RBFOX1: variants seen among roughly 807,000 people sequenced by gnomAD.
RBFOX1 encodes RNA binding protein fox-1 homolog 1.
A neutral mutation model predicts 57.7 loss-of-function variants in RBFOX1; 8 were observed. That is an observed-to-expected ratio of 0.14 (90% CI 0.08 to 0.25). The LOEUF is 0.25. Ranked by LOEUF, RBFOX1 falls within the 10% of genes least tolerant of loss-of-function variation. The pLI is 1.00. For synonymous variants in RBFOX1, 326 were observed against 222.4 expected (o/e 1.47, Z -4.15); for missense variants, 611 against 548.5 (o/e 1.11, Z -1.14).
At chr16:6,848,306 G>A (rs1297357703) in intron 3 of RBFOX1, among the ~76,000 whole-genome samples, 1 of 152,110 alleles carries the variant, frequency 6.6e-6, no homozygotes, top group African/African-American at 2.4e-5. Flanking sequence ...AGTATGGCCA[G>A]GCTTTCTCAT....
intron 3 of RBFOX1, among the ~76,000 whole-genome samples, chr16:5,770,800 G>T (rs74006275): frequency 0.028 from 4,311 of 152,288 alleles, 200 homozygotes; most frequent in African/African-American, 0.097. Flanking sequence ...GAAGAAAATA[G>T]CACACAGCTT....
intron 3 of RBFOX1, among the ~76,000 whole-genome samples, chr16:5,624,144 C>T (rs924229898): frequency 2.0e-5 from 3 of 152,180 alleles, no homozygotes; most frequent in Admixed American, 6.5e-5. Flanking sequence ...TTTTAATACT[C>T]GAAGGTTTCA....
chr16:7,113,712 T>C (rs1355858405), intron 4 of RBFOX1, among the ~76,000 whole-genome samples: 3 of 152,194 alleles, frequency 2.0e-5, no homozygotes, highest in Non-Finnish European at 4.4e-5. Flanking sequence ...ATCTATTTTG[T>C]TCTTTGCAAG....
chr16:6,585,044 A>G (rs141066853), intron 2 of RBFOX1, among the ~76,000 whole-genome samples: 1 of 152,288 alleles, frequency 6.6e-6, no homozygotes, highest in East Asian at 1.9e-4. Context: ...AAGGCTTTGT[A>G]GGCATCACTT....
At chr16:5,769,107 T>C (rs1404553840) in intron 3 of RBFOX1, among the ~76,000 whole-genome samples, 2 of 152,104 alleles carry the variant, frequency 1.3e-5, no homozygotes. Context: ...AATATTGATA[T>C]ATAGGATATG....
At chr16:6,579,295 C>G (rs1017803135) in intron 2 of RBFOX1, among the ~76,000 whole-genome samples, 10 of 152,026 alleles carry the variant, frequency 6.6e-5, no homozygotes, top group African/African-American at 2.4e-4. Flanking sequence ...GCTTGATCTA[C>G]TGGGCTCAAG....
intron 2 of RBFOX1, among the ~76,000 whole-genome samples, chr16:5,547,559 C>G (rs975960851): frequency 6.6e-5 from 10 of 152,084 alleles, no homozygotes; most frequent in African/African-American, 2.2e-4. Flanking sequence ...AAATGCAAAT[C>G]TATAGTGACA....
intron 1 of RBFOX1, among the ~76,000 whole-genome samples, chr16:6,261,744 C>T (rs1360890241): frequency 1.3e-5 from 2 of 152,104 alleles, no homozygotes; most frequent in African/African-American, 4.8e-5. Context: ...GCTTCTAATC[C>T]CAGCACTTTG....
chr16:6,042,362 G>C (rs921077162), intron 1 of RBFOX1, among the ~76,000 whole-genome samples: 10 of 152,110 alleles, frequency 6.6e-5, no homozygotes, highest in African/African-American at 2.4e-4. Context: ...GTCTCCCAAA[G>C]TGCTGGGATT....
intron 3 of RBFOX1, among the ~76,000 whole-genome samples, chr16:5,636,558 T>G (rs1011687426): frequency 1.3e-5 from 2 of 152,094 alleles, no homozygotes; most frequent in African/African-American, 4.8e-5. Flanking sequence ...GTTGTCATGT[T>G]TTTCTGACTG....
At chr16:6,529,875 TA>T (rs1387618611) in intron 2 of RBFOX1, among the ~76,000 whole-genome samples, 1 of 152,156 alleles carries the variant, frequency 6.6e-6, no homozygotes, top group African/African-American at 2.4e-5. Flanking sequence ...CAGTGAGATA[TA>T]AACATGAGGT....
chr16:6,465,969 C>G (rs1414248072), intron 2 of RBFOX1, among the ~76,000 whole-genome samples: 1 of 151,910 alleles, frequency 6.6e-6, no homozygotes, highest in Admixed American at 6.6e-5. Context: ...TGGCTCATGC[C>G]TGTAATCCTA....
Position 6,963,559 on chromosome 16 carries a change from G to C in RBFOX1, c.-15-88498G>C, listed in dbSNP as rs550890973. 4.6e-5 allele frequency among the ~76,000 whole-genome samples: 7 copies of C among 152,254 alleles called. 1 individual carries two copies. ...CTTGCAATGTAAAATGTACATTTTG[G>C]CTGTGTTCTGTAGGATTTCAACTAT... On this transcript the variant is annotated intron_variant, in intron 3 of 15. Coordinates refer to ENST00000550418, the MANE Select transcript of RBFOX1 (RefSeq NM_018723.4).
At position 5,999,892 on chromosome 16, in the gene RBFOX1, A is replaced by T. The variant is rs1186324228; in HGVS notation, c.351+132557A>T. 2.1e-4 allele frequency among the ~76,000 whole-genome samples: 17 copies of T among 80,576 alleles called. 3 individuals are homozygous for T. In the East Asian group the frequency reaches 5.3e-3, roughly 25 times the overall value. The allele number at this position is 80,576 out of a possible 152,430, so 52.9% of individuals were successfully genotyped here. A position where few individuals can be genotyped will look rare whatever the true frequency, so the allele number is the denominator to read the frequency against. On this transcript the variant is annotated intron_variant, in intron 4 of 19. Transcript: ENST00000641259. ...CAAAAAAAAAAAAAAAAAAAAAAAA[A>T]AAAAAAAAAAAAAAAGAGTGAAGAA...
chr16:7,425,318 A>T (rs534616864), intron 4 of RBFOX1, among the ~76,000 whole-genome samples: 2 of 152,144 alleles, frequency 1.3e-5, no homozygotes, highest in African/African-American at 2.4e-5. Context: ...CAAGGGGTCT[A>T]TTTGATGAGT....
intron 2 of RBFOX1, among the ~76,000 whole-genome samples, chr16:6,641,639 A>C (rs553951082): frequency 6.6e-6 from 1 of 150,796 alleles, no homozygotes. Context: ...AGAGGCTGAG[A>C]CGGGAGAATC....
At chr16:7,062,883 A>G (rs1381640461) in intron 4 of RBFOX1, among the ~76,000 whole-genome samples, 2 of 128,192 alleles carry the variant, frequency 1.6e-5, no homozygotes, top group Non-Finnish European at 3.1e-5. Flanking sequence ...ATCTCATTCA[A>G]ATGATCGCCA....
chr16:6,886,301 A>G (rs1306919490), intron 3 of RBFOX1, among the ~76,000 whole-genome samples: 1 of 151,800 alleles, frequency 6.6e-6, no homozygotes, highest in Admixed American at 6.6e-5. Context: ...ACCTCACGTG[A>G]TCTGCCCACC....
chr16:7,013,134 T>A (rs1239041836), intron 3 of RBFOX1, among the ~76,000 whole-genome samples: 2 of 152,162 alleles, frequency 1.3e-5, no homozygotes, highest in Non-Finnish European at 2.9e-5. Flanking sequence ...GACTGAGGGT[T>A]AGGGATTTCA....
Sources: allele counts gnomAD v4.1 joint callset (sites outside exome capture counted in the v4.1 genomes callset), GRCh38; gene constraint gnomAD v4.1.1; transcripts MANE v1.5; gene names NCBI Gene and HGNC (gene_info 2026-07-23, HGNC 2026-07-21).